The following PLBD1 variants were observed in gnomAD, a reference collection of about 807,000 sequenced individuals.
PLBD1 encodes phospholipase B domain containing 1, also known as lysosomal leucine aminopeptidase.
A neutral mutation model predicts 63.0 loss-of-function variants in PLBD1; 60 were observed. That is an observed-to-expected ratio of 0.95 (90% CI 0.77 to 1.18). The LOEUF (loss-of-function observed/expected upper bound fraction) is 1.18. PLBD1 is among the 50% of genes most tolerant of loss of function. PLBD1 has a pLI of 0.00. For missense variants in PLBD1, 598 were observed against 677.9 expected, an observed-to-expected ratio of 0.88 and a Z score of 1.31; for synonymous variants, 262 against 248.0, an observed-to-expected ratio of 1.06 and a Z score of -0.53.
At chr12:14,558,162 C>T (rs1355370207) in intron 1 of PLBD1, among the ~76,000 whole-genome samples, 2 of 151,690 alleles carry the variant, frequency 1.3e-5, no homozygotes, top group Non-Finnish European at 2.9e-5. Flanking sequence ...GGGGCTTAGT[C>T]AGGCTTAGAA....
chr12:14,561,989 A>G (rs1219785173), intron 1 of PLBD1, among the ~76,000 whole-genome samples: 1 of 152,202 alleles, frequency 6.6e-6, no homozygotes, highest in African/African-American at 2.4e-5. Flanking sequence ...AGGTTTGCAA[A>G]TGACCTGAAA....
chr12:14,535,172 A>C (rs1945502998), intron 6 of PLBD1, among the ~76,000 whole-genome samples: 1 of 152,218 alleles, frequency 6.6e-6, no homozygotes, highest in Admixed American at 6.5e-5. Context: ...TCTTGAGTAT[A>C]GTGTAAGGTT....
At chr12:14,508,629 G>A (rs938659842) in intron 8 of PLBD1, among the ~76,000 whole-genome samples, 12 of 152,048 alleles carry the variant, frequency 7.9e-5, no homozygotes, top group African/African-American at 2.7e-4. Flanking sequence ...AAATAGCCAG[G>A]CATTGGGGTG....
intron 6 of PLBD1, among the ~76,000 whole-genome samples, chr12:14,530,481 G>A (rs1945450785): frequency 6.6e-6 from 1 of 151,944 alleles, no homozygotes; most frequent in South Asian, 2.1e-4. Flanking sequence ...ATACATATGA[G>A]CAACAAACAA....
At chr12:14,541,599 G>C (rs1173313801) in intron 3 of PLBD1, among the ~76,000 whole-genome samples, 2 of 152,156 alleles carry the variant, frequency 1.3e-5, no homozygotes, top group Non-Finnish European at 2.9e-5. Context: ...TAGCCCAGTG[G>C]TTTTTAACTG....
At chr12:14,505,609 A>G (rs1945248459) in intron 10 of PLBD1, among the ~76,000 whole-genome samples, 1 of 152,226 alleles carries the variant, frequency 6.6e-6, no homozygotes, top group South Asian at 2.1e-4. Context: ...CACCACTGCA[A>G]ACCTACTTAT....
At chr12:14,538,186 A>ATTAC (rs1945535086) in intron 4 of PLBD1, among the ~76,000 whole-genome samples, 1 of 151,002 alleles carries the variant, frequency 6.6e-6, no homozygotes, top group African/African-American at 2.4e-5. Context: ...TTTTTTAATT[A>ATTAC]TTATTTATTT....
chr12:14,542,074 C>T lies in PLBD1; in HGVS notation c.419+134G>A, dbSNP rs565814359. 8.1e-4 allele frequency: 537 copies of T among 662,380 alleles called. 1 individual carries two copies. The highest frequency in any genetic ancestry group is 1.2e-3 in the Non-Finnish European group (445 of 380,390). The allele number at this position is 662,380 out of a possible 1,614,324, so 41.0% of individuals were successfully genotyped here. A position where few individuals can be genotyped will look rare whatever the true frequency, so the allele number is the denominator to read the frequency against. On this transcript the variant is annotated intron_variant, in intron 3 of 10. Transcript: ENST00000240617. ...CATGCCATTAGCAAAAAGTGCTATACCCTACTACAAGAATAACTCTAGAGT... is the reference window on the plus strand; with the variant it reads ...CATGCCATTAGCAAAAAGTGCTATATCCTACTACAAGAATAACTCTAGAGT...
chr12:14,535,959 C>G, intron 5 of PLBD1, 156 bp from the exon 6 acceptor site: 1 of 683,742 alleles, frequency 1.5e-6, no homozygotes, highest in Non-Finnish European at 2.4e-6. Flanking sequence ...CAAGATTAAC[C>G]TTTAATGTGG....
At chr12:14,553,460 G>A in intron 1 of PLBD1, 48 bp from the exon 2 acceptor site, 2 of 1,441,116 alleles carry the variant, frequency 1.4e-6, no homozygotes, top group East Asian at 4.6e-5. Context: ...AATGAGTTGT[G>A]ATGCATTTTT....
At chr12:14,543,247 T>C (rs958058932) in intron 2 of PLBD1, among the ~76,000 whole-genome samples, 11 of 152,076 alleles carry the variant, frequency 7.2e-5, no homozygotes, top group African/African-American at 2.7e-4. Flanking sequence ...TTTTTATTCT[T>C]AATATTAAAA....
chr12:14,523,066 T>C (rs74677231), intron 6 of PLBD1, among the ~76,000 whole-genome samples: 4,724 of 152,158 alleles, frequency 0.031, 247 homozygotes, highest in African/African-American at 0.11. Context: ...GAAATCAAAC[T>C]GTCCCTGCTT....
At chr12:14,504,269 C>T (rs1945231573) in intron 10 of PLBD1, among the ~76,000 whole-genome samples, 1 of 152,130 alleles carries the variant, frequency 6.6e-6, no homozygotes, top group South Asian at 2.1e-4. Flanking sequence ...AAACTGGTCT[C>T]GAACTCCTGA....
chr12:14,553,528 A>G (rs1034519785), intron 1 of PLBD1, 116 bp from the exon 2 acceptor site: 1 of 851,804 alleles, frequency 1.2e-6, no homozygotes, highest in Non-Finnish European at 1.8e-6. Context: ...ATTCTATTAG[A>G]ATTGGGAAAT....
At position 14,567,858 on chromosome 12, in the gene PLBD1, T is replaced by G. The variant is rs1945808652; in HGVS notation, c.-162A>C. 3.9e-6 allele frequency: 4 copies of G among 1,021,016 alleles called. No individual in the cohort carries two copies. Among genetic ancestry groups the G allele is most frequent in the Non-Finnish European group, 5.2e-6 (4 of 766,330 alleles). The allele number at this position is 1,021,016 out of a possible 1,614,324, so 63.2% of individuals were successfully genotyped here. On this transcript the variant is annotated 5_prime_UTR_variant, in exon 1 of 11. Transcript: ENST00000240617. Reference sequence around the variant, plus strand: ...CTTGAGCCCGGCCTGCTCCGGGCTCTGAGGGGCGAGGACGCTTCACGTGGT... The same window carrying G: ...CTTGAGCCCGGCCTGCTCCGGGCTCGGAGGGGCGAGGACGCTTCACGTGGT...
intron 6 of PLBD1, among the ~76,000 whole-genome samples, chr12:14,532,043 G>A (rs1450641330): frequency 6.6e-6 from 1 of 152,206 alleles, no homozygotes; most frequent in Non-Finnish European, 1.5e-5. Context: ...CACAATTTAA[G>A]TCAAGTCTTC....
intron 2 of PLBD1, among the ~76,000 whole-genome samples, chr12:14,546,059 C>T (rs987309694): frequency 1.3e-5 from 2 of 152,118 alleles, no homozygotes; most frequent in Non-Finnish European, 2.9e-5. Flanking sequence ...CGGTGGCTCA[C>T]ACCCGTAATT....
chr12:14,535,860 G>A, intron 5 of PLBD1, 57 bp from the exon 6 acceptor site: 2 of 1,555,600 alleles, frequency 1.3e-6, no homozygotes, highest in Non-Finnish European at 1.8e-6. Context: ...GACTGCAATT[G>A]TCTTAAGTGT....
chr12:14,536,103 C>A (rs932602952), intron 5 of PLBD1: 28 of 294,966 alleles, frequency 9.5e-5, no homozygotes, highest in African/African-American at 6.2e-4. Context: ...TGAGACAAGC[C>A]TGGCCAAAAT....
Sources: gnomAD v4.1 joint callset for allele counts (sites outside exome capture counted in the v4.1 genomes callset) on GRCh38, gnomAD v4.1.1 for gene constraint, MANE v1.5 for transcripts, NCBI Gene and HGNC (gene_info 2026-07-23, HGNC 2026-07-21) for gene names.